The following ENPEP variants were observed in gnomAD, a reference collection of about 807,000 sequenced individuals.
ENPEP encodes the protein glutamyl aminopeptidase, also known as AP-A.
A neutral mutation model predicts 114.5 loss-of-function variants in ENPEP; 103 were observed. The ratio of observed to expected loss-of-function variants is 0.90; its 90% CI spans 0.77 to 1.06. ENPEP has a LOEUF of 1.06. Ranked by LOEUF, ENPEP falls within the 50% of genes least tolerant of loss-of-function variation. ENPEP has a pLI of 0.00. For missense variants in ENPEP, 1,196 were observed against 1,161.3 expected, an observed-to-expected ratio of 1.03 and a Z score of -0.43; for synonymous variants, 420 against 422.0, an observed-to-expected ratio of 1.00 and a Z score of 0.06.
chr4:110,482,862 A>T (rs553434205), intron 1 of ENPEP, among the ~76,000 whole-genome samples: 4 of 152,246 alleles, frequency 2.6e-5, no homozygotes, highest in African/African-American at 7.2e-5. Flanking sequence ...TACAAAAATT[A>T]GCCGGGGGTA....
chr4:110,492,222 T>A (rs1490636378), intron 3 of ENPEP, among the ~76,000 whole-genome samples: 1 of 152,162 alleles, frequency 6.6e-6, no homozygotes, highest in East Asian at 1.9e-4. Context: ...ATCACCCCCA[T>A]TTTAGAGATG....
At chr4:110,501,303 G>A (rs1318623348) in intron 3 of ENPEP, among the ~76,000 whole-genome samples, 1 of 151,918 alleles carries the variant, frequency 6.6e-6, no homozygotes, top group Non-Finnish European at 1.5e-5. Context: ...TTTTATTTTA[G>A]GTTCAGGGGT....
chr4:110,549,450 A>G (rs1727200770), intron 15 of ENPEP, 31 bp downstream of exon 15: 1 of 1,612,444 alleles, frequency 6.2e-7, no homozygotes. Flanking sequence ...ACTAAAATTC[A>G]TTTAACATTT....
chr4:110,546,832 A>C (rs1016229474), intron 13 of ENPEP, among the ~76,000 whole-genome samples: 2 of 152,102 alleles, frequency 1.3e-5, no homozygotes, highest in African/African-American at 4.8e-5. Context: ...TGACTGTTTT[A>C]AGCCAGAAAC....
rs1430365626 is a variant in ENPEP, at chr4:110,562,200, T to A, written c.*642T>A. The A allele has an allele frequency of 6.6e-6, 1 of 152,170 alleles. No individual in the cohort carries two copies. The highest frequency in any genetic ancestry group is 1.5e-5 in the Non-Finnish European group (1 of 68,036). 9.4% of individuals were successfully genotyped at this position (152,170 alleles called of 1,614,324 possible). A position where few individuals can be genotyped will look rare whatever the true frequency, so the allele number is the denominator to read the frequency against. ...TTTTTTTAAAAATAAATCTAAATGA[T>A]TATCTTGAAAAAGTATTGTTTTCCA... On this transcript the variant is annotated 3_prime_UTR_variant, in exon 20 of 20. Transcript: ENST00000265162.
chr4:110,553,495 C>T, intron 18 of ENPEP, 40 bp downstream of exon 18: 1 of 1,583,440 alleles, frequency 6.3e-7, no homozygotes, highest in South Asian at 1.2e-5. Context: ...TTCTTTGTTT[C>T]ATACTATCTA....
chr4:110,513,089 T>C (rs1329911421), intron 6 of ENPEP: 3 of 171,214 alleles, frequency 1.8e-5, no homozygotes, highest in Non-Finnish European at 3.7e-5. Flanking sequence ...GTCATCATTC[T>C]CATTGCACAG....
chr4:110,483,191 C>A (rs1331137794), intron 1 of ENPEP, among the ~76,000 whole-genome samples: 3 of 151,954 alleles, frequency 2.0e-5, no homozygotes, highest in Non-Finnish European at 4.4e-5. Flanking sequence ...TTCATTCAAA[C>A]CACCATAAAA....
Position 110,553,332 on chromosome 4 carries a change from A to G in ENPEP, c.2519A>G (p.Lys840Arg), listed in dbSNP as rs1377171890. 7 of 1,595,286 alleles carry G rather than the reference A, an allele frequency of 4.4e-6. No homozygotes were observed. The Admixed American group carries it at 1.2e-4, about 27-fold the overall frequency. The stretch of plus-strand genomic sequence containing the variant: ...TCTCTTAGGTATTTGGATTTGCTCA[A>G]GGACACGAACCTTATTAAAACTCAG... ...TLLSRYLDLL[K>R]DTNLIKTQDV... Residue 840 changes from lysine to arginine, a missense_variant, in exon 18 of 20, where the codon AAG (lysine) becomes AGG (arginine). Coordinates refer to ENST00000265162, the MANE Select transcript of ENPEP (RefSeq NM_001977.4).
In ENPEP at chr4:110,480,917, A is replaced by G. The variant is rs187146405; in HGVS notation, c.644+3859A>G. ...ACTTGGAAGGATTGGAACCTTTGGA[A>G]TGTTTCTCTGACCACACCCTCCTTC... On this transcript the variant is annotated intron_variant, in intron 1 of 19. Transcript: ENST00000265162. Among the ~76,000 whole-genome samples the G allele has an allele frequency of 4.8e-3, 733 of 152,288 alleles. 2 individuals carry two copies. Among genetic ancestry groups the G allele is most frequent in the Non-Finnish European group, 8.4e-3 (571 of 68,010 alleles).
rs1726838024 is a variant in ENPEP at position 110,541,307 on chromosome 4, A to G, written c.1808-1444A>G. ...TGCAAACACTTCCAAAATTTAAATC[A>G]TATTTCCTCCCAAACTGACTCACCT... On this transcript the variant is annotated intron_variant, in intron 11 of 19. Coordinates refer to ENST00000265162, the MANE Select transcript of ENPEP (RefSeq NM_001977.4). Among the ~76,000 whole-genome samples, 3 of 152,210 alleles carry G rather than the reference A, an allele frequency of 2.0e-5. 1 individual carries two copies. In the South Asian group the frequency reaches 6.2e-4, roughly 32 times the overall value.
At chr4:110,514,227 C>T (rs2110357756) in intron 7 of ENPEP, among the ~76,000 whole-genome samples, 1 of 152,164 alleles carries the variant, frequency 6.6e-6, no homozygotes, top group East Asian at 1.9e-4. Context: ...TTTCCCACTA[C>T]ACTGAGATGC....
rs112467625 is a variant in ENPEP at position 110,527,367 on chromosome 4, T to C, written c.1728-3831T>C. 5.4e-3 allele frequency among the ~76,000 whole-genome samples: 820 copies of C among 152,200 alleles called. 5 individuals carry two copies. The highest frequency in any genetic ancestry group is 0.019 in the African/African-American group (770 of 41,506). On this transcript the variant is annotated intron_variant, in intron 10 of 19. Transcript: ENST00000265162. ...AGAGAAACTGGGTATCCTGCTATAATGCGAGTTCTGAAAATCAATAGGTCA... is the reference window on the plus strand; with the variant it reads ...AGAGAAACTGGGTATCCTGCTATAACGCGAGTTCTGAAAATCAATAGGTCA...
At chr4:110,494,826 C>T (rs1724867374) in intron 3 of ENPEP, among the ~76,000 whole-genome samples, 1 of 152,114 alleles carries the variant, frequency 6.6e-6, no homozygotes, top group Admixed American at 6.5e-5. Context: ...AGTTTAGCAA[C>T]AATTGAAGCC....
At position 110,549,867 on chromosome 4, in the gene ENPEP, A is replaced by G. The variant is rs1312338362; in HGVS notation, c.2482A>G (p.Asn828Asp). ...GCTGTATGGATTAGCATCAGTGAAG[A>G]ACGTTACTCTTTTGTCAAGGTAAGT... The part of the protein sequence containing the change: ...KLLYGLASVK[N>D]VTLLSRYLDL... Residue 828 changes from asparagine to aspartate, a missense_variant, in exon 17 of 20, where the codon AAC (asparagine) becomes GAC (aspartate). By Grantham distance (23) the Asn-to-Asp change is conservative. Transcript: ENST00000265162. The G allele has an allele frequency of 6.2e-7, 1 of 1,609,752 alleles. No individual in the cohort carries two copies. The highest frequency in any genetic ancestry group is 1.7e-5 in the Admixed American group (1 of 58,876).
At position 110,562,432 on chromosome 4, in the gene ENPEP, A is replaced by C. The variant is rs929265681; in HGVS notation, c.*874A>C. On this transcript the variant is annotated 3_prime_UTR_variant, in exon 20 of 20. Coordinates refer to ENST00000265162, the MANE Select transcript of ENPEP (RefSeq NM_001977.4). ...CCATGGATTTTAGAGGAAAAAAGCTAAATAATTGGAAACTGTTCAGGAAAG... is the reference window on the plus strand; with the variant it reads ...CCATGGATTTTAGAGGAAAAAAGCTCAATAATTGGAAACTGTTCAGGAAAG... The C allele has an allele frequency of 4.2e-4, 64 of 152,278 alleles. No individual in the cohort carries two copies. Among genetic ancestry groups the C allele is most frequent in the African/African-American group, 1.5e-3 (64 of 41,564 alleles). The allele number at this position is 152,278 out of a possible 1,614,324, so 9.4% of individuals were successfully genotyped here.
At chr4:110,511,689 A>C (rs1560558999) in intron 6 of ENPEP, among the ~76,000 whole-genome samples, 1 of 152,176 alleles carries the variant, frequency 6.6e-6, no homozygotes, top group African/African-American at 2.4e-5. Flanking sequence ...TTTGCTGTGC[A>C]CTTCTTAAGT....
chr4:110,487,309 A>C (rs1050614220), intron 1 of ENPEP, among the ~76,000 whole-genome samples: 4 of 152,244 alleles, frequency 2.6e-5, no homozygotes, highest in South Asian at 2.1e-4. Context: ...ATTTTGTTTC[A>C]GAGTCAAACC....
intron 10 of ENPEP, among the ~76,000 whole-genome samples, chr4:110,521,954 C>T (rs1249079514): frequency 2.0e-5 from 3 of 151,850 alleles, no homozygotes; most frequent in African/African-American, 7.3e-5. Flanking sequence ...TGTCAGCCCA[C>T]TGCAACCTGT....
Sources: allele counts gnomAD v4.1 joint callset (sites outside exome capture counted in the v4.1 genomes callset), GRCh38; gene constraint gnomAD v4.1.1; transcripts MANE v1.5; gene names NCBI Gene and HGNC (gene_info 2026-07-23, HGNC 2026-07-21).